USP46: variants seen among roughly 807,000 people sequenced by gnomAD.
USP46 encodes the protein ubiquitin carboxyl-terminal hydrolase 46.
In USP46, 12 loss-of-function variants were observed where a neutral mutation model predicts 44.4. The ratio of observed to expected loss-of-function variants is 0.27; its 90% CI spans 0.17 to 0.44. The LOEUF is 0.44. Among genes scored for constraint, USP46 ranks in the 20% least tolerant of loss-of-function variants. The pLI is 1.00. For missense variants in USP46, 248 were observed against 444.8 expected, an observed-to-expected ratio of 0.56 and a Z score of 3.98; for synonymous variants, 155 against 161.5, an observed-to-expected ratio of 0.96 and a Z score of 0.31.
intron 5 of USP46, among the ~76,000 whole-genome samples, chr4:52,608,804 CG>C (rs1273109608): frequency 8.6e-5 from 13 of 152,034 alleles, no homozygotes; most frequent in Admixed American, 7.9e-4. Context: ...GGGATCTCAT[CG>C]GCACTGGGAG....
intron 1 of USP46, among the ~76,000 whole-genome samples, chr4:52,631,605 TA>T (rs932195965): frequency 1.4e-4 from 21 of 152,224 alleles, no homozygotes; most frequent in African/African-American, 5.1e-4. Context: ...TGGGCATGGA[TA>T]ACAGAACAGT....
In USP46 at chr4:52,597,513, G is replaced by T. The variant is rs867056014; in HGVS notation, c.*127C>A. The T allele has an allele frequency of 5.9e-5, 40 of 679,254 alleles. No individual in the cohort carries two copies. The Middle Eastern group carries it at 5.7e-3, about 96-fold the overall frequency. 42.1% of individuals were successfully genotyped at this position (679,254 alleles called of 1,614,324 possible). A position where few individuals can be genotyped will look rare whatever the true frequency, so the allele number is the denominator to read the frequency against. On this transcript the variant is annotated 3_prime_UTR_variant, in exon 9 of 9. Transcript: ENST00000441222. The stretch of plus-strand genomic sequence containing the variant: ...ACACAAAAGGAGAGAGTCTAACACA[G>T]CCAGACCATTGAGACTCGGAGTGAT...
At chr4:52,613,844 C>T (rs576017693) in intron 4 of USP46, among the ~76,000 whole-genome samples, 4 of 152,014 alleles carry the variant, frequency 2.6e-5, no homozygotes, top group Non-Finnish European at 5.9e-5. Context: ...TTACCTAAGA[C>T]ATTGTTAAAA....
At chr4:52,625,074 T>C (rs1414297122) in intron 4 of USP46, among the ~76,000 whole-genome samples, 1 of 152,206 alleles carries the variant, frequency 6.6e-6, no homozygotes, top group Non-Finnish European at 1.5e-5. Context: ...TATAGAATTT[T>C]CCATACAATG....
At chr4:52,650,522 TAA>T (rs1424461015) in intron 1 of USP46, among the ~76,000 whole-genome samples, 1 of 152,160 alleles carries the variant, frequency 6.6e-6, no homozygotes, top group African/African-American at 2.4e-5. Context: ...GTTTTTAAGG[TAA>T]AAGAGTCTAA....
chr4:52,608,517 C>T (rs188195998), intron 5 of USP46, among the ~76,000 whole-genome samples: 2 of 152,370 alleles, frequency 1.3e-5, no homozygotes, highest in East Asian at 3.9e-4. Context: ...ACATCTAATC[C>T]ATTTTCCCTG....
intron 7 of USP46, among the ~76,000 whole-genome samples, chr4:52,599,457 G>A (rs951870635): frequency 9.9e-5 from 15 of 152,274 alleles, no homozygotes; most frequent in Middle Eastern, 3.4e-3. Context: ...AGGGGCAGGC[G>A]CAGTAGAAGG....
intron 1 of USP46, chr4:52,656,459 AG>A (rs1718953547): frequency 1.7e-6 from 2 of 1,200,542 alleles, no homozygotes; most frequent in Non-Finnish European, 1.0e-6. Context: ...TGACCTGAGC[AG>A]GGGGCGGGGT....
chr4:52,648,595 G>C (rs1289097864), intron 1 of USP46, among the ~76,000 whole-genome samples: 1 of 152,152 alleles, frequency 6.6e-6, no homozygotes, highest in East Asian at 1.9e-4. Context: ...CCATCCCACA[G>C]TTTTTCTCTA....
chr4:52,654,344 A>AT (rs553602221), intron 1 of USP46, among the ~76,000 whole-genome samples: 1 of 152,208 alleles, frequency 6.6e-6, no homozygotes, highest in Non-Finnish European at 1.5e-5. Flanking sequence ...AAAAGGCAAG[A>AT]TATCTGTTCC....
intron 3 of USP46, among the ~76,000 whole-genome samples, chr4:52,626,594 A>T (rs1717596067): frequency 6.6e-6 from 1 of 152,132 alleles, no homozygotes; most frequent in Non-Finnish European, 1.5e-5. Context: ...AAGTGCCGGG[A>T]TTACAGACGT....
intron 7 of USP46, among the ~76,000 whole-genome samples, chr4:52,599,338 C>T (rs1054446524): frequency 2.2e-4 from 33 of 151,862 alleles, no homozygotes; most frequent in African/African-American, 6.8e-4. Context: ...ATAGCAAGTG[C>T]AAAGGCCTGG....
Position 52,595,727 on chromosome 4 carries a change from A to G in USP46, c.*1913T>C, listed in dbSNP as rs2109586418. 1 of 152,320 alleles carries G rather than the reference A, an allele frequency of 6.6e-6. No individual in the cohort carries two copies. Among genetic ancestry groups the G allele is most frequent in the Middle Eastern group, 3.4e-3 (1 of 294 alleles). 9.4% of individuals were successfully genotyped at this position (152,320 alleles called of 1,614,324 possible). A position where few individuals can be genotyped will look rare whatever the true frequency, so the allele number is the denominator to read the frequency against. On this transcript the variant is annotated 3_prime_UTR_variant, in exon 9 of 9. Coordinates refer to ENST00000441222, the MANE Select transcript of USP46 (RefSeq NM_022832.4). ...ATAATTTTAATAACTTTTCTTATGA[A>G]TCAGTTCCAAATATATTAGAGACCA...
At chr4:52,630,082 G>T (rs1717759610) in intron 2 of USP46, among the ~76,000 whole-genome samples, 1 of 152,290 alleles carries the variant, frequency 6.6e-6, no homozygotes, top group East Asian at 1.9e-4. Flanking sequence ...GTTAATATTT[G>T]ATGTCACTTA....
intron 1 of USP46, among the ~76,000 whole-genome samples, chr4:52,640,575 C>T (rs535816985): frequency 2.6e-5 from 4 of 151,852 alleles, no homozygotes; most frequent in South Asian, 2.1e-4. Flanking sequence ...CCAAGGTGAG[C>T]GGATCACTTG....
chr4:52,658,237 C>A (rs1031081881), intron 1 of USP46: 4 of 456,070 alleles, frequency 8.8e-6, no homozygotes, highest in Middle Eastern at 6.9e-4. Context: ...CAAGTGGAGG[C>A]GCCAGCAGGG....
At chr4:52,603,073 A>C (rs569362611) in intron 6 of USP46, among the ~76,000 whole-genome samples, 2 of 152,342 alleles carry the variant, frequency 1.3e-5, no homozygotes, top group South Asian at 4.1e-4. Context: ...GTTTTAAGGA[A>C]TCTATTAAGG....
chr4:52,633,010 G>GA lies in USP46; in HGVS notation c.37-1867dup, dbSNP rs33985185. 6.9e-3 allele frequency among the ~76,000 whole-genome samples: 799 copies of GA among 115,594 alleles called. 34 individuals carry two copies. The highest frequency in any genetic ancestry group is 0.015 in the African/African-American group (428 of 29,110). 75.8% of individuals were successfully genotyped at this position (115,594 alleles called of 152,430 possible). ...AAAAGAAAAGAAAGAAAGAAAGAAA[G>GA]AAAGAAAGAAAGAAAGAAAAAGAAA... On this transcript the variant is annotated intron_variant, in intron 1 of 8. Coordinates refer to ENST00000441222, the MANE Select transcript of USP46 (RefSeq NM_022832.4).
chr4:52,612,260 AG>A (rs1324678823), intron 4 of USP46, among the ~76,000 whole-genome samples: 1 of 152,204 alleles, frequency 6.6e-6, no homozygotes, highest in Non-Finnish European at 1.5e-5. Flanking sequence ...CGTATAAAAA[AG>A]GCATCTTTAT....
Sources: gnomAD v4.1 joint callset for allele counts (sites outside exome capture counted in the v4.1 genomes callset) on GRCh38, gnomAD v4.1.1 for gene constraint, MANE v1.5 for transcripts, NCBI Gene and HGNC (gene_info 2026-07-23, HGNC 2026-07-21) for gene names.